The following THADA variants were observed in gnomAD, a reference collection of about 807,000 sequenced individuals.
The protein encoded by THADA is tRNA (32-2'-O)-methyltransferase regulator THADA.
A neutral mutation model predicts 219.8 loss-of-function variants in THADA; 213 were observed. The ratio of observed to expected loss-of-function variants is 0.97; its 90% confidence interval spans 0.87 to 1.09. The LOEUF is 1.09. THADA is among the 50% of genes least tolerant of loss of function. The pLI, the probability that THADA is intolerant of heterozygous loss-of-function variation, is 0.00. For synonymous variants in THADA, 1,018 were observed against 828.9 expected (o/e 1.23, Z -3.92); for missense variants, 2,956 against 2,311.3 (o/e 1.28, Z -5.72).
At chr2:43,486,299 A>G (rs1053940763) in intron 25 of THADA, 2 of 152,210 alleles carry the variant, frequency 1.3e-5, no homozygotes, top group Non-Finnish European at 2.9e-5. Context: ...CCAAGATGAT[A>G]ATAATCTTTT....
At chr2:43,439,250 C>T (rs1680537779) in intron 26 of THADA, among the ~76,000 whole-genome samples, 1 of 151,908 alleles carries the variant, frequency 6.6e-6, no homozygotes, top group African/African-American at 2.4e-5. Context: ...ATATTTAGAT[C>T]TATAGAGAGA....
intron 28 of THADA, among the ~76,000 whole-genome samples, chr2:43,404,742 T>C (rs1252025816): frequency 2.6e-5 from 4 of 152,160 alleles, no homozygotes; most frequent in Non-Finnish European, 5.9e-5. Flanking sequence ...CTTAAGAACA[T>C]GCTCTGGAAT....
At chr2:43,245,808 G>A (rs138504660) in intron 36 of THADA, among the ~76,000 whole-genome samples, 2 of 152,316 alleles carry the variant, frequency 1.3e-5, no homozygotes, top group Non-Finnish European at 1.5e-5. Context: ...GGGTGGTGCA[G>A]ATGGTCCTGA....
intron 28 of THADA, among the ~76,000 whole-genome samples, chr2:43,412,281 G>C (rs1026522534): frequency 6.6e-6 from 1 of 151,950 alleles, no homozygotes; most frequent in African/African-American, 2.4e-5. Flanking sequence ...TAATAAAGTC[G>C]GTGCAAAATG....
chr2:43,545,909 C>A (rs1009533201), intron 20 of THADA, among the ~76,000 whole-genome samples: 2 of 152,196 alleles, frequency 1.3e-5, no homozygotes, highest in South Asian at 4.2e-4. Context: ...TTCTTGCCTT[C>A]TGCTAGCTTT....
chr2:43,415,318 T>G (rs969035048), intron 28 of THADA, among the ~76,000 whole-genome samples: 2 of 152,144 alleles, frequency 1.3e-5, no homozygotes, highest in Non-Finnish European at 2.9e-5. Flanking sequence ...TGTCAAATCA[T>G]TTAATATAGG....
intron 30 of THADA, among the ~76,000 whole-genome samples, chr2:43,339,912 A>T (rs1458824366): frequency 6.6e-6 from 1 of 152,156 alleles, no homozygotes; most frequent in Non-Finnish European, 1.5e-5. Flanking sequence ...TAGGCAACAC[A>T]GCCAGACCTC....
chr2:43,534,558 C>T (rs1694309571), intron 21 of THADA, among the ~76,000 whole-genome samples: 1 of 152,200 alleles, frequency 6.6e-6, no homozygotes, highest in Admixed American at 6.5e-5. Flanking sequence ...TGTGTGAGAA[C>T]ATGCAGTGCT....
intron 26 of THADA, among the ~76,000 whole-genome samples, chr2:43,442,176 C>T (rs1033457491): frequency 6.6e-6 from 1 of 152,148 alleles, no homozygotes; most frequent in Non-Finnish European, 1.5e-5. Flanking sequence ...TAGCTCAAAC[C>T]TGTAATCCCA....
intron 7 of THADA, among the ~76,000 whole-genome samples, chr2:43,584,037 TAAAA>T (rs536050936): frequency 4.0e-3 from 261 of 65,594 alleles, no homozygotes; most frequent in African/African-American, 0.015. Context: ...TTGTCTCAAT[TAAAA>T]AAAAAAAAAA....
intron 28 of THADA, among the ~76,000 whole-genome samples, chr2:43,422,267 T>C (rs1370245262): frequency 6.6e-6 from 1 of 152,212 alleles, no homozygotes; most frequent in African/African-American, 2.4e-5. Context: ...AGAGAAATTA[T>C]GCGCCTTCTA....
chr2:43,432,154 C>T (rs57125350), intron 26 of THADA, among the ~76,000 whole-genome samples: 1 of 108,624 alleles, frequency 9.2e-6, no homozygotes, highest in African/African-American at 5.3e-5. Flanking sequence ...CCGCGCCCGG[C>T]CAATTTTTTG....
chr2:43,519,786 G>C (rs1435002785), intron 22 of THADA, among the ~76,000 whole-genome samples: 1 of 152,204 alleles, frequency 6.6e-6, no homozygotes, highest in Non-Finnish European at 1.5e-5. Context: ...TGTGCCTGCA[G>C]GTAGGCATAA....
chr2:43,489,143 T>C (rs1420256451), intron 25 of THADA, among the ~76,000 whole-genome samples: 4 of 152,186 alleles, frequency 2.6e-5, no homozygotes, highest in Non-Finnish European at 5.9e-5. Flanking sequence ...TGAAAAACAT[T>C]TTTTTTCTTG....
At chr2:43,514,710 A>T (rs1237377925) in intron 22 of THADA, among the ~76,000 whole-genome samples, 1 of 73,084 alleles carries the variant, frequency 1.4e-5, no homozygotes, top group African/African-American at 6.7e-5. Flanking sequence ...TAATATATAT[A>T]TAAATATATA....
intron 36 of THADA, among the ~76,000 whole-genome samples, chr2:43,278,948 G>T (rs1673032206): frequency 6.6e-6 from 1 of 152,070 alleles, no homozygotes; most frequent in Admixed American, 6.6e-5. Context: ...CTTCTCATTG[G>T]GACCGCTGAT....
chr2:43,452,732 GAGTAGA>G (rs1682498020), intron 26 of THADA, among the ~76,000 whole-genome samples: 1 of 152,158 alleles, frequency 6.6e-6, no homozygotes, highest in Non-Finnish European at 1.5e-5. Flanking sequence ...GAATTTATGG[GAGTAGA>G]TGAACAGGCA....
intron 36 of THADA, among the ~76,000 whole-genome samples, chr2:43,266,645 T>TG (rs1671553333): frequency 6.6e-6 from 1 of 152,122 alleles, no homozygotes; most frequent in African/African-American, 2.4e-5. Context: ...TCTGCTGTGA[T>TG]GGAGGCCTCA....
intron 28 of THADA, among the ~76,000 whole-genome samples, chr2:43,419,041 A>G (rs367821901): frequency 1.3e-5 from 2 of 152,210 alleles, no homozygotes; most frequent in African/African-American, 4.8e-5. Context: ...GAGCCTGGCT[A>G]TAAAACAAAG....
Sources: gnomAD v4.1 joint callset for allele counts (sites outside exome capture counted in the v4.1 genomes callset) on GRCh38, gnomAD v4.1.1 for gene constraint, MANE v1.5 for transcripts, NCBI Gene and HGNC (gene_info 2026-07-23, HGNC 2026-07-21) for gene names.